The following PRKCE variants were observed in gnomAD, a reference collection of about 807,000 sequenced individuals.
PRKCE encodes the protein protein kinase C epsilon.
Under a neutral mutation model 85.4 loss-of-function variants are expected in PRKCE, and 16 were observed. The ratio of observed to expected loss-of-function variants is 0.19; its 90% CI spans 0.13 to 0.28. The LOEUF (loss-of-function observed/expected upper bound fraction) is 0.28, where lower values mean the gene tolerates loss of function less well. PRKCE is among the 10% of genes least tolerant of loss of function. PRKCE has a pLI of 1.00. For synonymous variants in PRKCE, 388 were observed against 371.5 expected (o/e 1.04, Z -0.51); for missense variants, 573 against 975.2 (o/e 0.59, Z 5.49).
chr2:45,857,418 C>T (rs1692765061), intron 2 of PRKCE, among the ~76,000 whole-genome samples: 1 of 152,198 alleles, frequency 6.6e-6, no homozygotes, highest in Non-Finnish European at 1.5e-5. Context: ...ATCTGGGCAG[C>T]CTGTCAACCT....
intron 8 of PRKCE, among the ~76,000 whole-genome samples, chr2:46,006,678 A>G (rs1195678895): frequency 6.6e-6 from 1 of 152,234 alleles, no homozygotes; most frequent in Non-Finnish European, 1.5e-5. Context: ...AGTTGCTAAC[A>G]GTAAAGCTTC....
rs114109658 is a variant in PRKCE, at chr2:46,075,573, C to A, written c.1438-10635C>A. Among the ~76,000 whole-genome samples, 460 of 151,800 alleles carry A rather than the reference C, an allele frequency of 3.0e-3. 2 individuals are homozygous for A. The highest frequency in any genetic ancestry group is 0.011 in the African/African-American group (450 of 41,402). On this transcript the variant is annotated intron_variant, in intron 10 of 14. Transcript: ENST00000306156. Reference sequence around the variant, plus strand: ...CTGGGCCTGGGCAACATAACAAAACCCTCTCTCTACAAAAAAATATGAAAA... The same window carrying A: ...CTGGGCCTGGGCAACATAACAAAACACTCTCTCTACAAAAAAATATGAAAA...
chr2:46,163,567 G>T (rs1677996919), intron 14 of PRKCE, among the ~76,000 whole-genome samples: 1 of 108,974 alleles, frequency 9.2e-6, no homozygotes, highest in Non-Finnish European at 1.9e-5. Context: ...GAGACACAGG[G>T]AAGCTGAGGC....
chr2:46,062,037 C>G (rs1667191028), intron 10 of PRKCE, among the ~76,000 whole-genome samples: 1 of 151,686 alleles, frequency 6.6e-6, no homozygotes, highest in Non-Finnish European at 1.5e-5. Context: ...TAATTTTGTA[C>G]TTTTAGTAGA....
intron 10 of PRKCE, among the ~76,000 whole-genome samples, chr2:46,045,475 C>G (rs1301020340): frequency 6.6e-6 from 1 of 152,226 alleles, no homozygotes; most frequent in Non-Finnish European, 1.5e-5. Context: ...GATGTTTAGG[C>G]TAGTAATATT....
chr2:45,868,833 C>T (rs190798840), intron 2 of PRKCE, among the ~76,000 whole-genome samples: 4 of 151,174 alleles, frequency 2.6e-5, no homozygotes, highest in Admixed American at 2.6e-4. Flanking sequence ...TGGTGCATGC[C>T]TGTAATCCCA....
At chr2:46,130,206 A>G (rs1361449311) in intron 11 of PRKCE, among the ~76,000 whole-genome samples, 2 of 152,328 alleles carry the variant, frequency 1.3e-5, no homozygotes, top group South Asian at 2.1e-4. Context: ...GACAAATAAC[A>G]CAAAGTATAA....
intron 2 of PRKCE, among the ~76,000 whole-genome samples, chr2:45,926,606 G>A (rs754789330): frequency 4.6e-5 from 7 of 152,184 alleles, no homozygotes; most frequent in Non-Finnish European, 7.3e-5. Flanking sequence ...GTTGAAAGTC[G>A]GAGGCTGAGA....
intron 14 of PRKCE, among the ~76,000 whole-genome samples, chr2:46,165,788 C>T (rs1473452081): frequency 6.6e-6 from 1 of 152,178 alleles, no homozygotes; most frequent in Non-Finnish European, 1.5e-5. Context: ...ACTCTGGCTC[C>T]CAGGGCTTCA....
chr2:45,958,818 T>TATATATATATA (rs1558885886), intron 2 of PRKCE, among the ~76,000 whole-genome samples: 8 of 7,604 alleles, frequency 1.1e-3, no homozygotes, highest in Non-Finnish European at 1.4e-3. Context: ...ATATATATAT[T>TATATATATATA]TTTTTTTTTT....
At chr2:46,079,175 C>CAAA (rs11452307) in intron 10 of PRKCE, among the ~76,000 whole-genome samples, 35 of 126,416 alleles carry the variant, frequency 2.8e-4, no homozygotes, top group African/African-American at 7.1e-4. Context: ...GACTCTGTCT[C>CAAA]AAAAAAAAAA....
At chr2:46,156,889 T>C (rs1408238207) in intron 13 of PRKCE, among the ~76,000 whole-genome samples, 3 of 152,260 alleles carry the variant, frequency 2.0e-5, no homozygotes, top group Admixed American at 6.5e-5. Flanking sequence ...TCTCTACTTA[T>C]GTTTTGAGGC....
chr2:45,659,344 G>A (rs1572872674), intron 1 of PRKCE, among the ~76,000 whole-genome samples: 1 of 152,126 alleles, frequency 6.6e-6, no homozygotes, highest in Admixed American at 6.5e-5. Flanking sequence ...AGCAACATCT[G>A]CTCTTTCTGC....
intron 6 of PRKCE, among the ~76,000 whole-genome samples, chr2:45,991,815 A>G (rs566264137): frequency 2.0e-5 from 3 of 152,348 alleles, no homozygotes; most frequent in South Asian, 4.1e-4. Flanking sequence ...AGCCATGTTA[A>G]TGGACTGCTT....
intron 1 of PRKCE, among the ~76,000 whole-genome samples, chr2:45,789,245 AG>A (rs1686850622): frequency 3.9e-5 from 6 of 152,186 alleles, no homozygotes; most frequent in Non-Finnish European, 7.3e-5. Context: ...ACAAAAGAAA[AG>A]GTGCCTCTGG....
rs534926155 is a variant in PRKCE, at chr2:45,990,547, G to T, written c.823+5867G>T. ...ACAAATGCAATCGTCTTGTCTATGG[G>T]GTCTACCCTGACCACTGGGTAGCTC... On this transcript the variant is annotated intron_variant, in intron 6 of 14. Transcript: ENST00000306156. Among the ~76,000 whole-genome samples, 93 of 152,112 alleles carry T rather than the reference G, an allele frequency of 6.1e-4. 1 individual carries two copies. Among genetic ancestry groups the T allele is most frequent in the African/African-American group, 2.2e-3 (92 of 41,478 alleles).
At chr2:45,989,951 TCTTA>T (rs1471362286) in intron 6 of PRKCE, among the ~76,000 whole-genome samples, 1 of 152,228 alleles carries the variant, frequency 6.6e-6, no homozygotes, top group Non-Finnish European at 1.5e-5. Flanking sequence ...CTATGGGTCC[TCTTA>T]CTTCTAAAAA....
At chr2:46,157,365 C>G (rs545392569) in intron 13 of PRKCE, among the ~76,000 whole-genome samples, 5 of 152,310 alleles carry the variant, frequency 3.3e-5, no homozygotes, top group African/African-American at 9.6e-5. Flanking sequence ...TTTTGGAGGC[C>G]TTAGAGCAGT....
In PRKCE at chr2:45,857,426, C is replaced by T. The variant is rs75284655; in HGVS notation, c.412+14363C>T. Among the ~76,000 whole-genome samples, 670 of 152,334 alleles carry T rather than the reference C, an allele frequency of 4.4e-3. 4 individuals are homozygous for T. The highest frequency in any genetic ancestry group is 0.015 in the African/African-American group (640 of 41,574). On this transcript the variant is annotated intron_variant, in intron 2 of 14. Transcript: ENST00000306156. ...CGTGATCATCTGGGCAGCCTGTCAA[C>T]CTGCTTAAGTTCTGGAAGGGCCCAG...
Sources: allele counts gnomAD v4.1 joint callset (sites outside exome capture counted in the v4.1 genomes callset), GRCh38; gene constraint gnomAD v4.1.1; transcripts MANE v1.5; gene names NCBI Gene and HGNC (gene_info 2026-07-23, HGNC 2026-07-21).